RYR3: variants seen among roughly 807,000 people sequenced by gnomAD.
RYR3 encodes the protein brain ryanodine receptor-calcium release channel.
A neutral mutation model predicts 584.3 loss-of-function variants in RYR3; 207 were observed. The ratio of observed to expected loss-of-function variants is 0.35; its 90% CI spans 0.32 to 0.40. RYR3 has a LOEUF of 0.40. Ranked by LOEUF, RYR3 falls within the 10% of genes least tolerant of loss-of-function variation. The pLI, the probability that RYR3 is intolerant of heterozygous loss-of-function variation, is 1.00. For synonymous variants in RYR3, 2,416 were observed against 2,248.5 expected (o/e 1.07, Z -2.11); for missense variants, 5,616 against 6,089.2 (o/e 0.92, Z 2.59).
At chr15:33,801,409 C>G (rs2075910689) in intron 68 of RYR3, among the ~76,000 whole-genome samples, 1 of 152,158 alleles carries the variant, frequency 6.6e-6, no homozygotes, top group Non-Finnish European at 1.5e-5. Context: ...TCTTCAAGAT[C>G]AGGAAAAGAC....
chr15:33,785,636 G>A (rs760977754), intron 65 of RYR3, 26 bp from the exon 66 acceptor site: 2 of 1,521,064 alleles, frequency 1.3e-6, no homozygotes, highest in African/African-American at 2.8e-5. Context: ...TTGAATTTCT[G>A]TCCCTTTATT....
At chr15:33,853,874 G>C (rs2079363209) in intron 96 of RYR3, among the ~76,000 whole-genome samples, 192 bp downstream of exon 96, 1 of 152,064 alleles carries the variant, frequency 6.6e-6, no homozygotes, top group Admixed American at 6.6e-5. Flanking sequence ...ATGCCCTATA[G>C]AGCTGAAAGA....
chr15:33,850,525 A>T (rs980194876), intron 94 of RYR3: 1 of 152,220 alleles, frequency 6.6e-6, no homozygotes, highest in Non-Finnish European at 1.5e-5. Context: ...GGAAATGCAT[A>T]AATAAATAGC....
intron 34 of RYR3, 86 bp from the exon 35 acceptor site, chr15:33,662,067 C>A: frequency 8.6e-7 from 1 of 1,167,100 alleles, no homozygotes; most frequent in Non-Finnish European, 1.2e-6. Flanking sequence ...TTCCACCCAC[C>A]CTGCCTTTGT....
intron 99 of RYR3, 65 bp from the exon 100 acceptor site, chr15:33,859,510 C>G (rs2080108963): frequency 1.9e-6 from 3 of 1,569,392 alleles, no homozygotes; most frequent in Non-Finnish European, 1.8e-6. Flanking sequence ...TATGAATGAT[C>G]TGAGCATCTT....
Position 33,838,158 on chromosome 15 carries a change from C to T in RYR3, c.12178C>T (p.Gln4060Ter). The change falls in exon 89 of 104, where the codon CAG becomes TAG. Residue 4060 changes from glutamine to a stop codon, truncating the protein, a stop_gained. Coordinates refer to ENST00000634891, the MANE Select transcript of RYR3 (RefSeq NM_001036.6). LOFTEE classifies it high-confidence loss of function. The part of the protein sequence containing the change: ...ESSRTQWEKP[Q>*]VKESKRQFIF... ...CAGTCGCACTCAGTGGGAGAAGCCC[C>T]AGGTGAAGGAATCTAAGCGACAGTT... 6.2e-7 allele frequency: 1 copy of T among 1,613,888 alleles called. No homozygotes were observed. The highest frequency in any genetic ancestry group is 8.5e-7 in the Non-Finnish European group (1 of 1,179,878).
chr15:33,593,108 C>G (rs1346209245), intron 16 of RYR3, among the ~76,000 whole-genome samples: 1 of 152,144 alleles, frequency 6.6e-6, no homozygotes, highest in Non-Finnish European at 1.5e-5. Flanking sequence ...ATTAGCATCT[C>G]CAAAGGAGGC....
chr15:33,524,460 G>C (rs1305390892), intron 3 of RYR3, among the ~76,000 whole-genome samples: 1 of 151,914 alleles, frequency 6.6e-6, no homozygotes, highest in Non-Finnish European at 1.5e-5. Context: ...TTTTTGTTTT[G>C]TTGCGCCTAT....
chr15:33,575,619 T>A (rs574534149), intron 12 of RYR3, among the ~76,000 whole-genome samples: 1 of 152,142 alleles, frequency 6.6e-6, no homozygotes, highest in African/African-American at 2.4e-5. Flanking sequence ...AAAGTAGTAT[T>A]AAGAGGGAAG....
chr15:33,860,540 C>A, intron 100 of RYR3, 55 bp from the exon 101 acceptor site: 1 of 1,042,256 alleles, frequency 9.6e-7, no homozygotes, highest in Non-Finnish European at 1.4e-6. Context: ...CTTTATCATT[C>A]CTCTACCCCT....
intron 16 of RYR3, among the ~76,000 whole-genome samples, chr15:33,599,719 C>A (rs1300054317): frequency 6.6e-6 from 1 of 152,192 alleles, no homozygotes; most frequent in Admixed American, 6.5e-5. Context: ...ATTTTCCTTT[C>A]ACAAACCCAT....
chr15:33,516,463 C>A (rs576816384), intron 3 of RYR3, among the ~76,000 whole-genome samples: 1 of 152,016 alleles, frequency 6.6e-6, no homozygotes, highest in Non-Finnish European at 1.5e-5. Flanking sequence ...CCTGCCTCAG[C>A]CCCCCGAGTA....
At chr15:33,817,804 A>T (rs1408028231) in intron 75 of RYR3, among the ~76,000 whole-genome samples, 1 of 152,150 alleles carries the variant, frequency 6.6e-6, no homozygotes, top group East Asian at 1.9e-4. Flanking sequence ...GTTGACAATG[A>T]GCGTCACTTC....
chr15:33,511,359 G>A (rs1362982147), intron 3 of RYR3, among the ~76,000 whole-genome samples: 1 of 138,734 alleles, frequency 7.2e-6, no homozygotes, highest in Non-Finnish European at 1.5e-5. Flanking sequence ...AAACTCTTTA[G>A]TAAGCATCAG....
chr15:33,763,219 A>G (rs772868777), intron 60 of RYR3, among the ~76,000 whole-genome samples: 2 of 152,240 alleles, frequency 1.3e-5, no homozygotes, highest in Non-Finnish European at 2.9e-5. Flanking sequence ...CAAAGACTTC[A>G]TGACTAAAAC....
chr15:33,316,652 T>C (rs899676774), intron 1 of RYR3, among the ~76,000 whole-genome samples: 5 of 152,298 alleles, frequency 3.3e-5, no homozygotes, highest in Admixed American at 1.3e-4. Flanking sequence ...TCCCACTGTA[T>C]GGAGATAGAA....
intron 27 of RYR3, among the ~76,000 whole-genome samples, chr15:33,641,131 C>T (rs80156864): frequency 6.1e-4 from 93 of 152,270 alleles, no homozygotes; most frequent in African/African-American, 2.1e-3. Context: ...CTCCCTGACA[C>T]GTTGGAAAAT....
At chr15:33,861,239 C>A in intron 102 of RYR3, 61 bp downstream of exon 102, 2 of 1,219,198 alleles carry the variant, frequency 1.6e-6, no homozygotes, top group South Asian at 2.6e-5. Context: ...CCAATTAGGT[C>A]ATATAGTTCA....
At chr15:33,572,501 A>G (rs556195497) in intron 12 of RYR3, among the ~76,000 whole-genome samples, 3 of 151,358 alleles carry the variant, frequency 2.0e-5, no homozygotes, top group Non-Finnish European at 4.4e-5. Context: ...TTTCCCGAGC[A>G]TGTGTGTGGC....
Sources: allele counts gnomAD v4.1 joint callset (sites outside exome capture counted in the v4.1 genomes callset), GRCh38; gene constraint gnomAD v4.1.1; transcripts MANE v1.5; gene names NCBI Gene and HGNC (gene_info 2026-07-23, HGNC 2026-07-21).